SLC9A2: variants seen among roughly 807,000 people sequenced by gnomAD.
SLC9A2 encodes the protein sodium/hydrogen exchanger 2.
SLC9A2 carries 42 observed loss-of-function variants against 71.7 expected under a neutral mutation model. That is an observed-to-expected ratio of 0.59 (90% CI 0.46 to 0.76). SLC9A2 has a LOEUF of 0.76. Ranked by LOEUF, SLC9A2 falls within the 30% of genes least tolerant of loss-of-function variation. The pLI is 0.00. For missense variants in SLC9A2, 829 were observed against 1,017.4 expected, an observed-to-expected ratio of 0.81 and a Z score of 2.52; for synonymous variants, 396 against 392.5, an observed-to-expected ratio of 1.01 and a Z score of -0.10.
chr2:102,705,953 G>A lies in SLC9A2; in HGVS notation c.2068+17G>A. The A allele has an allele frequency of 6.8e-7, 1 of 1,472,328 alleles. No individual in the cohort carries two copies. Among genetic ancestry groups the A allele is most frequent in the South Asian group, 1.2e-5 (1 of 80,810 alleles). The allele number at this position is 1,472,328 out of a possible 1,614,324, so 91.2% of individuals were successfully genotyped here. A position where few individuals can be genotyped will look rare whatever the true frequency, so the allele number is the denominator to read the frequency against. ...CTATTGCAGGTAGTGAATATAGTTG[G>A]AGCAGAAAAATTTTAAATTTATTTG... On this transcript the variant is annotated intron_variant, in intron 11 of 11. Coordinates refer to ENST00000233969, the MANE Select transcript of SLC9A2 (RefSeq NM_003048.6).
intron 1 of SLC9A2, among the ~76,000 whole-genome samples, chr2:102,648,292 C>A (rs1465034117): frequency 2.0e-5 from 3 of 152,074 alleles, no homozygotes; most frequent in African/African-American, 4.8e-5. Context: ...AAATTCAACA[C>A]CCCTTCATGC....
chr2:102,709,537 T>C lies in SLC9A2; in HGVS notation c.*1048T>C, dbSNP rs1678063642. 6.5e-6 allele frequency: 1 copy of C among 152,794 alleles called. No individual in the cohort carries two copies. Among genetic ancestry groups the C allele is most frequent in the Non-Finnish European group, 1.5e-5 (1 of 68,046 alleles). 9.5% of individuals were successfully genotyped at this position (152,794 alleles called of 1,614,324 possible). A position where few individuals can be genotyped will look rare whatever the true frequency, so the allele number is the denominator to read the frequency against. On this transcript the variant is annotated 3_prime_UTR_variant, in exon 12 of 12. Coordinates refer to ENST00000233969, the MANE Select transcript of SLC9A2 (RefSeq NM_003048.6). ...GTTTGTAGACACAATATTCTAACATTGCACAAGTTGATGAGATATCAAGTT... is the reference window on the plus strand; with the variant it reads ...GTTTGTAGACACAATATTCTAACATCGCACAAGTTGATGAGATATCAAGTT...
At chr2:102,620,957 G>A (rs778222147) in intron 1 of SLC9A2, among the ~76,000 whole-genome samples, 6 of 151,654 alleles carry the variant, frequency 4.0e-5, no homozygotes, top group African/African-American at 7.3e-5. Flanking sequence ...GGATCACGAG[G>A]ATCACTGATC....
chr2:102,684,046 C>T lies in SLC9A2; in HGVS notation c.1223-88C>T, dbSNP rs578212323. 2.7e-4 allele frequency: 255 copies of T among 941,078 alleles called. 1 individual carries two copies. The East Asian group carries it at 5.9e-3, about 22-fold the overall frequency. The allele number at this position is 941,078 out of a possible 1,614,324, so 58.3% of individuals were successfully genotyped here. On this transcript the variant is annotated intron_variant, in intron 4 of 11. Coordinates refer to ENST00000233969, the MANE Select transcript of SLC9A2 (RefSeq NM_003048.6). ...GGCCTATTCTTAAATCCTTTGTCCC[C>T]ATCGCAGAAGCACAGAAAATGAGTC... is the stretch of plus-strand genomic sequence containing the variant.
chr2:102,704,664 C>T lies in SLC9A2; in HGVS notation c.1966C>T (p.Arg656Ter), dbSNP rs992622109. ...CATTAGGAAGGACAGCAGCTTGAAT[C>T]GAGAACACAGGGTAACTGAGTGTGC... Reference protein sequence around the residue: ...ESIRKDSSLNREHRASTSTSR... With the variant: ...ESIRKDSSLN The change falls in exon 10 of 12, where the codon CGA becomes TGA. Residue 656 changes from arginine (R) to a stop codon, truncating the protein, a stop_gained. Coordinates refer to ENST00000233969, the MANE Select transcript of SLC9A2 (RefSeq NM_003048.6). LOFTEE classifies it high-confidence loss of function. The T allele has an allele frequency of 3.7e-6, 6 of 1,611,644 alleles. No individual in the cohort carries two copies. Among genetic ancestry groups the T allele is most frequent in the Non-Finnish European group, 4.2e-6 (5 of 1,178,464 alleles).
intron 3 of SLC9A2, among the ~76,000 whole-genome samples, chr2:102,681,492 A>G (rs756624978): frequency 1.1e-4 from 16 of 152,238 alleles, no homozygotes; most frequent in Non-Finnish European, 2.2e-4. Flanking sequence ...AAGCATAGGA[A>G]TGATAATAGA....
intron 3 of SLC9A2, among the ~76,000 whole-genome samples, chr2:102,667,224 T>G (rs1677158795): frequency 6.6e-6 from 1 of 152,204 alleles, no homozygotes; most frequent in African/African-American, 2.4e-5. Flanking sequence ...GACTTCCAGT[T>G]TCCTCACTCT....
chr2:102,627,327 C>CA (rs946400528), intron 1 of SLC9A2, among the ~76,000 whole-genome samples: 4 of 151,188 alleles, frequency 2.6e-5, no homozygotes, highest in Non-Finnish European at 4.4e-5. Context: ...CTCTTAGAAA[C>CA]AAAAAAAACA....
chr2:102,636,727 C>T (rs1466607056), intron 1 of SLC9A2, among the ~76,000 whole-genome samples: 2 of 152,202 alleles, frequency 1.3e-5, no homozygotes, highest in African/African-American at 4.8e-5. Context: ...TTGCTTTCAA[C>T]TGCTGGCTGG....
chr2:102,651,461 C>T (rs60805233), intron 1 of SLC9A2, among the ~76,000 whole-genome samples: 9,170 of 152,262 alleles, frequency 0.06, 465 homozygotes, highest in African/African-American at 0.13. Context: ...GGCTTGTCCC[C>T]TTATTCTTTT....
chr2:102,626,083 T>C (rs1269838657), intron 1 of SLC9A2, among the ~76,000 whole-genome samples: 2 of 152,260 alleles, frequency 1.3e-5, no homozygotes, highest in South Asian at 4.1e-4. Flanking sequence ...TTAAAGTTCA[T>C]ATGGAACCAA....
intron 1 of SLC9A2, among the ~76,000 whole-genome samples, chr2:102,656,208 C>T (rs919426620): frequency 6.6e-6 from 1 of 152,122 alleles, no homozygotes; most frequent in Non-Finnish European, 1.5e-5. Context: ...CACGTTGCCT[C>T]CATGTGCTGG....
intron 1 of SLC9A2, among the ~76,000 whole-genome samples, chr2:102,653,605 C>T (rs1422191117): frequency 6.6e-6 from 1 of 152,184 alleles, no homozygotes; most frequent in Admixed American, 6.5e-5. Flanking sequence ...TCTGTTCCTT[C>T]CTTTCTCTCT....
chr2:102,702,750 T>C (rs1483339406), intron 9 of SLC9A2, among the ~76,000 whole-genome samples: 2 of 152,190 alleles, frequency 1.3e-5, no homozygotes, highest in Non-Finnish European at 2.9e-5. Flanking sequence ...GAAATACACG[T>C]TGACTAATTT....
intron 1 of SLC9A2, among the ~76,000 whole-genome samples, chr2:102,642,844 T>C (rs1457103178): frequency 6.6e-6 from 1 of 152,216 alleles, no homozygotes; most frequent in Non-Finnish European, 1.5e-5. Flanking sequence ...TTGCTAGTTG[T>C]AGGGCTATTC....
chr2:102,694,570 TG>T, intron 6 of SLC9A2, 67 bp downstream of exon 6: 2 of 714,072 alleles, frequency 2.8e-6, no homozygotes, highest in Non-Finnish European at 4.5e-6. Flanking sequence ...TCAAACAGCT[TG>T]GTACCACGTT....
chr2:102,663,535 G>A (rs759019309), intron 2 of SLC9A2, among the ~76,000 whole-genome samples: 6 of 152,318 alleles, frequency 3.9e-5, no homozygotes, highest in Admixed American at 2.0e-4. Flanking sequence ...TTGCCAGGCC[G>A]CACACTGCTT....
chr2:102,674,228 A>G (rs1234548321), intron 3 of SLC9A2, among the ~76,000 whole-genome samples: 1 of 152,210 alleles, frequency 6.6e-6, no homozygotes, highest in Non-Finnish European at 1.5e-5. Flanking sequence ...AGGAGGTTAG[A>G]GCTAGGAATA....
At chr2:102,676,293 T>C (rs949972343) in intron 3 of SLC9A2, among the ~76,000 whole-genome samples, 1 of 152,170 alleles carries the variant, frequency 6.6e-6, no homozygotes, top group African/African-American at 2.4e-5. Flanking sequence ...TTCTTAACAC[T>C]CCCCAGCTAG....
Sources: gnomAD v4.1 joint callset for allele counts (sites outside exome capture counted in the v4.1 genomes callset) on GRCh38, gnomAD v4.1.1 for gene constraint, MANE v1.5 for transcripts, NCBI Gene and HGNC (gene_info 2026-07-23, HGNC 2026-07-21) for gene names.